Variants in MALRD1 observed in about 807,000 individuals in gnomAD.
The protein encoded by MALRD1 is MAM and LDL-receptor class A domain-containing protein 1.
A neutral mutation model predicts 242.1 loss-of-function variants in MALRD1; 247 were observed. The observed-to-expected ratio is 1.02, with a 90% CI of 0.92 to 1.13. The LOEUF (loss-of-function observed/expected upper bound fraction) is 1.13. Ranked by LOEUF, MALRD1 falls within the 50% of genes most tolerant of loss-of-function variation. The pLI, the probability that MALRD1 is intolerant of heterozygous loss-of-function variation, is 0.00. For missense variants in MALRD1, 2,989 were observed against 2,533.1 expected (o/e 1.18, Z -3.86); for synonymous variants, 995 against 866.6 (o/e 1.15, Z -2.60).
intron 33 of MALRD1, among the ~76,000 whole-genome samples, chr10:19,573,428 A>G (rs1207611703): frequency 1.3e-5 from 2 of 152,172 alleles, no homozygotes; most frequent in East Asian, 3.9e-4. Context: ...ACAGCAAGGA[A>G]GTGGTCTCAT....
intron 2 of MALRD1, among the ~76,000 whole-genome samples, chr10:19,083,519 G>T (rs796363379): frequency 1.3e-5 from 2 of 151,888 alleles, no homozygotes; most frequent in South Asian, 4.2e-4. Context: ...ACACTTGCTG[G>T]TAATTGTTTT....
intron 5 of MALRD1, among the ~76,000 whole-genome samples, chr10:19,106,231 C>A (rs1352782829): frequency 6.6e-6 from 1 of 151,710 alleles, no homozygotes; most frequent in Non-Finnish European, 1.5e-5. Flanking sequence ...GTTTTTAACT[C>A]TCACATATGA....
chr10:19,205,005 A>G lies in MALRD1; in HGVS notation c.2318A>G (p.Gln773Arg). Residue 773 changes from glutamine to arginine, a missense_variant, in exon 17 of 40, where the codon CAA (glutamine) becomes CGA (arginine). Transcript: ENST00000454679. ...IWRVLYNQGK[Q>R]WLEATIQLGR... is the part of the protein sequence containing the mutation. Reference sequence around the variant, plus strand: ...AGAGTATTATACAATCAGGGCAAACAATGGTTGGAGGCAACCATTCAGCTA... The same window carrying G: ...AGAGTATTATACAATCAGGGCAAACGATGGTTGGAGGCAACCATTCAGCTA... The G allele has an allele frequency of 6.4e-7, 1 of 1,550,866 alleles. No homozygotes were observed. The highest frequency in any genetic ancestry group is 8.7e-7 in the Non-Finnish European group (1 of 1,147,040).
At chr10:19,238,877 C>A (rs1230644597) in intron 18 of MALRD1, among the ~76,000 whole-genome samples, 2 of 151,432 alleles carry the variant, frequency 1.3e-5, no homozygotes, top group East Asian at 1.9e-4. Context: ...CACTTCCTTG[C>A]CAACTCTTGT....
At position 19,692,357 on chromosome 10, in the gene MALRD1, G is replaced by T. The variant is rs568593043; in HGVS notation, c.6213G>T (p.Gln2071His). 42 of 1,534,628 alleles carry T rather than the reference G, an allele frequency of 2.7e-5. No individual in the cohort carries two copies. The change falls in exon 37 of 40, where the codon CAG becomes CAT. Residue 2071 changes from glutamine to histidine, a missense_variant. By Grantham distance (24) the Gln-to-His change is conservative. Transcript: ENST00000454679. ...NPPATDFTYA[Q>H]NNTWTLLGIG... The stretch of plus-strand genomic sequence containing the variant: ...CTGCTACAGACTTCACATACGCTCA[G>T]AATAGTAGGTGACATTATGACTAAA...
intron 28 of MALRD1, among the ~76,000 whole-genome samples, chr10:19,404,541 C>T (rs1350157878): frequency 6.6e-6 from 1 of 151,978 alleles, no homozygotes; most frequent in Non-Finnish European, 1.5e-5. Flanking sequence ...TAAGTAGCTT[C>T]AGCACTGTTA....
intron 38 of MALRD1, among the ~76,000 whole-genome samples, chr10:19,718,420 A>G (rs1834520555): frequency 6.6e-6 from 1 of 152,226 alleles, no homozygotes; most frequent in Non-Finnish European, 1.5e-5. Context: ...ACGTAGCAAG[A>G]GCAAGAGCAA....
At chr10:19,524,190 A>G (rs1300559454) in intron 31 of MALRD1, among the ~76,000 whole-genome samples, 1 of 152,144 alleles carries the variant, frequency 6.6e-6, no homozygotes, top group East Asian at 1.9e-4. Flanking sequence ...AAAATTGCAG[A>G]TGTGAGCTGG....
chr10:19,274,638 A>G (rs957541713), intron 19 of MALRD1, among the ~76,000 whole-genome samples: 3 of 152,194 alleles, frequency 2.0e-5, no homozygotes, highest in African/African-American at 7.2e-5. Context: ...TAAGACACTC[A>G]GTGTGTAATG....
chr10:19,664,521 AT>A (rs1423801624), intron 36 of MALRD1, among the ~76,000 whole-genome samples: 1 of 152,016 alleles, frequency 6.6e-6, no homozygotes, highest in Non-Finnish European at 1.5e-5. Flanking sequence ...ATTCAATTTA[AT>A]GGCCTTTGTA....
intron 29 of MALRD1, among the ~76,000 whole-genome samples, chr10:19,467,514 G>A (rs7917509): frequency 0.81 from 122,616 of 150,650 alleles, 50,088 homozygotes; most frequent in East Asian, 1. Context: ...TAAATGCCTT[G>A]TTTCCAAATA....
intron 33 of MALRD1, among the ~76,000 whole-genome samples, chr10:19,579,346 T>C (rs1791137572): frequency 6.6e-6 from 1 of 152,214 alleles, no homozygotes; most frequent in Non-Finnish European, 1.5e-5. Context: ...AAACTGTTGT[T>C]CCCAAAGTGC....
chr10:19,629,727 A>G (rs533794626), intron 36 of MALRD1, among the ~76,000 whole-genome samples: 11 of 152,268 alleles, frequency 7.2e-5, no homozygotes, highest in African/African-American at 2.4e-4. Context: ...TGGAGCTTCT[A>G]AGAATGCTGA....
chr10:19,226,238 A>G (rs1052387309), intron 18 of MALRD1, among the ~76,000 whole-genome samples: 1 of 152,110 alleles, frequency 6.6e-6, no homozygotes, highest in African/African-American at 2.4e-5. Context: ...ATCACGTGAC[A>G]CTCTCGATAG....
intron 2 of MALRD1, among the ~76,000 whole-genome samples, chr10:19,073,832 T>C (rs901509040): frequency 1.3e-4 from 20 of 152,196 alleles, no homozygotes; most frequent in African/African-American, 4.6e-4. Flanking sequence ...AATTACTTAT[T>C]GGAAGAAAGA....
At chr10:19,564,572 G>A (rs1589245109) in intron 32 of MALRD1, among the ~76,000 whole-genome samples, 1 of 151,928 alleles carries the variant, frequency 6.6e-6, no homozygotes, top group Admixed American at 6.6e-5. Flanking sequence ...TACTGGGTCT[G>A]TGTTTGACTA....
intron 36 of MALRD1, among the ~76,000 whole-genome samples, chr10:19,662,414 G>T (rs1308881239): frequency 6.6e-6 from 1 of 152,066 alleles, no homozygotes; most frequent in Non-Finnish European, 1.5e-5. Flanking sequence ...AAAGCAGAAA[G>T]ATAACTCATT....
intron 38 of MALRD1, among the ~76,000 whole-genome samples, chr10:19,696,009 A>T (rs372389616): frequency 1.3e-5 from 2 of 152,218 alleles, no homozygotes; most frequent in African/African-American, 4.8e-5. Context: ...TTACAATTTA[A>T]GGTGAGATTT....
chr10:19,338,857 A>C (rs1409759786), intron 24 of MALRD1, among the ~76,000 whole-genome samples: 1 of 150,676 alleles, frequency 6.6e-6, no homozygotes, highest in Non-Finnish European at 1.5e-5. Flanking sequence ...ATTTCTAACT[A>C]TATGTATATA....
Sources: allele counts gnomAD v4.1 joint callset (sites outside exome capture counted in the v4.1 genomes callset), GRCh38; gene constraint gnomAD v4.1.1; transcripts MANE v1.5; gene names NCBI Gene and HGNC (gene_info 2026-07-23, HGNC 2026-07-21).